Variants in HERC4 observed in about 807,000 individuals in gnomAD.
HERC4 encodes HECT and RLD domain containing E3 ubiquitin protein ligase 4.
HERC4 carries 28 observed loss-of-function variants against 124.3 expected under a neutral mutation model. The ratio of observed to expected loss-of-function variants is 0.23; its 90% CI spans 0.17 to 0.31. HERC4 has a LOEUF of 0.31. HERC4 is among the 10% of genes least tolerant of loss of function. The pLI is 1.00. For missense variants in HERC4, 713 were observed against 1,229.3 expected (o/e 0.58, Z 6.28); for synonymous variants, 407 against 421.5 (o/e 0.97, Z 0.42).
intron 7 of HERC4, among the ~76,000 whole-genome samples, chr10:68,028,547 C>T (rs1038304345): frequency 1.3e-5 from 2 of 152,136 alleles, no homozygotes; most frequent in Non-Finnish European, 2.9e-5. Context: ...CTAAGAAGCC[C>T]TGGTTCCTTT....
intron 4 of HERC4, among the ~76,000 whole-genome samples, chr10:68,039,231 A>C (rs930870919): frequency 4.0e-5 from 6 of 150,326 alleles, no homozygotes; most frequent in African/African-American, 1.5e-4. Flanking sequence ...CAGGAAAATG[A>C]CTTGGACCTG....
chr10:68,061,153 T>C (rs923794218), intron 3 of HERC4, among the ~76,000 whole-genome samples: 12 of 152,282 alleles, frequency 7.9e-5, no homozygotes, highest in Admixed American at 2.6e-4. Context: ...TAGTTAAAAT[T>C]ACTTCAGCTA....
chr10:68,074,632 G>GAAAT (rs2041723230), intron 1 of HERC4: 1 of 152,176 alleles, frequency 6.6e-6, no homozygotes. Context: ...CTGGGAAAGA[G>GAAAT]AAATCATCTG....
In HERC4 at chr10:67,992,615, A is replaced by G. The variant is rs1459002231; in HGVS notation, c.1137T>C (p.Ser379=). 1.3e-6 allele frequency: 2 copies of G among 1,514,418 alleles called. No homozygotes were observed. Among genetic ancestry groups the G allele is most frequent in the Non-Finnish European group, 1.8e-6 (2 of 1,098,518 alleles). 93.8% of individuals were successfully genotyped at this position (1,514,418 alleles called of 1,614,324 possible). A position where few individuals can be genotyped will look rare whatever the true frequency, so the allele number is the denominator to read the frequency against. Residue 379 remains serine, a synonymous_variant, in exon 10 of 25, where the codon TCT becomes TCC. Transcript: ENST00000373700. ...SGGDQSFSHY[S]SPQNCGPPDD... is the part of the protein sequence containing the mutation. Reference sequence around the variant, plus strand: ...ATGACTATATTATTACCTGGGGACTAGAGTAATGTGAAAAGCTTTGATCTC... The same window carrying G: ...ATGACTATATTATTACCTGGGGACTGGAGTAATGTGAAAAGCTTTGATCTC...
At chr10:67,948,669 C>T (rs1564944415) in intron 19 of HERC4, among the ~76,000 whole-genome samples, 1 of 152,082 alleles carries the variant, frequency 6.6e-6, no homozygotes, top group Non-Finnish European at 1.5e-5. Context: ...ACCTGTAATC[C>T]CAGCACTTTG....
At chr10:68,025,473 G>GA in intron 8 of HERC4, 73 bp downstream of exon 8, 1 of 1,473,624 alleles carries the variant, frequency 6.8e-7, no homozygotes, top group Non-Finnish European at 9.1e-7. Context: ...TAGGATCTCT[G>GA]AAACAATTCA....
intron 4 of HERC4, among the ~76,000 whole-genome samples, chr10:68,043,602 G>A (rs934758918): frequency 1.3e-5 from 2 of 152,070 alleles, no homozygotes; most frequent in Non-Finnish European, 2.9e-5. Flanking sequence ...AGATCTTGAG[G>A]TCAGGAGTTC....
intron 19 of HERC4, among the ~76,000 whole-genome samples, chr10:67,952,284 C>A (rs1246559000): frequency 6.6e-6 from 1 of 152,136 alleles, no homozygotes; most frequent in Non-Finnish European, 1.5e-5. Context: ...TTACCTCTAT[C>A]CAAACAGCTA....
chr10:68,025,629 G>C lies in HERC4; in HGVS notation c.825C>G (p.Gly275=). The C allele has an allele frequency of 6.2e-7, 1 of 1,613,236 alleles. No individual in the cohort carries two copies. Among genetic ancestry groups the C allele is most frequent in the Non-Finnish European group, 8.5e-7 (1 of 1,179,620 alleles). The change falls in exon 8 of 25, where the codon GGC becomes GGG. Residue 275 remains glycine (G), a synonymous_variant. Transcript: ENST00000373700. The stretch of plus-strand genomic sequence containing the variant: ...TTATTTCATGACTGGTAGAATTATG[G>C]CCCAACTGACCATACCCTCCAGCTC... ...TFGAGGYGQL[G]HNSTSHEINP...
chr10:67,992,530 G>C, intron 10 of HERC4, 76 bp downstream of exon 10: 1 of 1,073,854 alleles, frequency 9.3e-7, no homozygotes, highest in Non-Finnish European at 1.4e-6. Context: ...AACATATAAA[G>C]AACATTAATA....
chr10:68,061,650 G>A (rs1050855124), intron 3 of HERC4, among the ~76,000 whole-genome samples: 20 of 151,340 alleles, frequency 1.3e-4, no homozygotes, highest in African/African-American at 3.9e-4. Context: ...AGGCAGAGAC[G>A]GGCAGATCAC....
chr10:68,010,401 A>C (rs2037873630), intron 9 of HERC4: 2 of 987,796 alleles, frequency 2.0e-6, no homozygotes, highest in Admixed American at 4.0e-5. Context: ...AGCAGCCTCA[A>C]AATCCTCTCA....
At chr10:68,030,269 A>T (rs1041211330) in intron 7 of HERC4, among the ~76,000 whole-genome samples, 4 of 151,686 alleles carry the variant, frequency 2.6e-5, no homozygotes, top group African/African-American at 7.3e-5. Flanking sequence ...GTGAAACCCC[A>T]TCTCTACAAA....
intron 23 of HERC4, among the ~76,000 whole-genome samples, chr10:67,930,496 T>C (rs2031675215): frequency 2.0e-5 from 3 of 152,244 alleles, no homozygotes; most frequent in Admixed American, 2.0e-4. Flanking sequence ...ACAGCCACTG[T>C]TTCCAAAGTG....
At chr10:68,041,720 G>C (rs536319190) in intron 4 of HERC4, among the ~76,000 whole-genome samples, 1 of 152,096 alleles carries the variant, frequency 6.6e-6, no homozygotes, top group East Asian at 1.9e-4. Flanking sequence ...ATTAAACTAC[G>C]ATAATAAAAT....
At chr10:68,054,633 A>G (rs1213331471) in intron 3 of HERC4, among the ~76,000 whole-genome samples, 2 of 152,082 alleles carry the variant, frequency 1.3e-5, no homozygotes, top group South Asian at 2.1e-4. Flanking sequence ...CATGAGACAT[A>G]TATCTGTCCC....
At chr10:68,047,538 C>G (rs1206114206) in intron 3 of HERC4, among the ~76,000 whole-genome samples, 1 of 152,110 alleles carries the variant, frequency 6.6e-6, no homozygotes, top group African/African-American at 2.4e-5. Context: ...AGAAAACGAA[C>G]AATCCTATCT....
chr10:68,020,756 G>C (rs940001450), intron 8 of HERC4, among the ~76,000 whole-genome samples: 1 of 145,058 alleles, frequency 6.9e-6, no homozygotes, highest in South Asian at 2.2e-4. Flanking sequence ...GCGACAGAGC[G>C]AGACTCCGTC....
chr10:68,012,948 T>G (rs2038053717), intron 9 of HERC4, among the ~76,000 whole-genome samples: 1 of 152,242 alleles, frequency 6.6e-6, no homozygotes, highest in Non-Finnish European at 1.5e-5. Context: ...ATCAGTGATC[T>G]TTGATGTTAC....
Sources: allele counts gnomAD v4.1 joint callset (sites outside exome capture counted in the v4.1 genomes callset), GRCh38; gene constraint gnomAD v4.1.1; transcripts MANE v1.5; gene names NCBI Gene and HGNC (gene_info 2026-07-23, HGNC 2026-07-21).